TMEM170A: variants seen among roughly 807,000 people sequenced by gnomAD.
TMEM170A encodes transmembrane protein 170A, also known as transmembrane protein 170.
TMEM170A carries 18 observed loss-of-function variants against 12.8 expected under a neutral mutation model. The observed-to-expected ratio is 1.41, with a 90% CI of 0.97 to 2.09. The LOEUF is 2.09. Among genes scored for constraint, TMEM170A ranks in the 30% most tolerant of loss-of-function variants. The pLI is 0.00. For missense variants in TMEM170A, 220 were observed against 179.9 expected, an observed-to-expected ratio of 1.22 and a Z score of -1.28; for synonymous variants, 107 against 76.2, an observed-to-expected ratio of 1.40 and a Z score of -2.11.
rs74250903 is a variant in TMEM170A, at chr16:75,455,887, A to G, written c.134-4048T>C. On this transcript the variant is annotated intron_variant, in intron 1 of 2. Transcript: ENST00000561878. The stretch of plus-strand genomic sequence containing the variant: ...TAAAAGAGACCAGTCAGGGGCATCA[A>G]TCCGCTTGAGGGGATTAGAAAGGGG... Among the ~76,000 whole-genome samples, 433 of 152,324 alleles carry G rather than the reference A, an allele frequency of 2.8e-3. 8 individuals are homozygous for G. The East Asian group carries it at 0.067, about 24-fold the overall frequency.
chr16:75,460,383 A>T (rs2151648952), intron 1 of TMEM170A, among the ~76,000 whole-genome samples: 1 of 152,214 alleles, frequency 6.6e-6, no homozygotes, highest in East Asian at 1.9e-4. Context: ...GCCCTCCAGG[A>T]TCTACCCTCC....
chr16:75,462,891 T>C (rs1249842335), intron 1 of TMEM170A, among the ~76,000 whole-genome samples: 2 of 152,322 alleles, frequency 1.3e-5, no homozygotes, highest in African/African-American at 2.4e-5. Flanking sequence ...TATGGTTTCA[T>C]GGATAGAAAA....
intron 2 of TMEM170A, 175 bp downstream of exon 2, chr16:75,451,494 A>G: frequency 3.0e-6 from 2 of 659,468 alleles, no homozygotes; most frequent in South Asian, 3.7e-5. Context: ...GGCTGCAGTG[A>G]GCCAATATTG....
intron 2 of TMEM170A, among the ~76,000 whole-genome samples, chr16:75,449,802 T>G (rs1250384010): frequency 6.6e-6 from 1 of 152,090 alleles, no homozygotes; most frequent in Non-Finnish European, 1.5e-5. Context: ...AAAATTTAGG[T>G]ACACAAGAAA....
At chr16:75,454,218 C>G (rs1446797833) in intron 1 of TMEM170A, among the ~76,000 whole-genome samples, 2 of 134,004 alleles carry the variant, frequency 1.5e-5, no homozygotes, top group Non-Finnish European at 3.6e-5. Context: ...CACTCTATTC[C>G]CAGTTGTGTC....
chr16:75,449,806 C>T (rs1460926502), intron 2 of TMEM170A, among the ~76,000 whole-genome samples: 1 of 151,988 alleles, frequency 6.6e-6, no homozygotes, highest in Non-Finnish European at 1.5e-5. Flanking sequence ...TTTAGGTACA[C>T]AAGAAAGACT....
intron 1 of TMEM170A, among the ~76,000 whole-genome samples, chr16:75,463,414 C>T (rs2079941352): frequency 6.6e-6 from 1 of 152,154 alleles, no homozygotes; most frequent in African/African-American, 2.4e-5. Context: ...TGCCTGATGA[C>T]CTTACCCGCT....
Position 75,461,076 on chromosome 16 carries a change from G to C in TMEM170A, c.133+3392C>G, listed in dbSNP as rs367814888. Among the ~76,000 whole-genome samples the C allele has an allele frequency of 1.3e-4, 20 of 152,158 alleles. 3 individuals are homozygous for C. The highest frequency in any genetic ancestry group is 6.6e-4 in the Admixed American group (10 of 15,266). ...CTTATACTCATTTATTTATTTTTGA[G>C]ACAGTCTCGCTCTGTGGCCCAGGCT... On this transcript the variant is annotated intron_variant, in intron 1 of 2. Transcript: ENST00000561878.
intron 1 of TMEM170A, among the ~76,000 whole-genome samples, chr16:75,454,481 C>A (rs927673097): frequency 6.6e-6 from 1 of 151,452 alleles, no homozygotes; most frequent in African/African-American, 2.4e-5. Flanking sequence ...CACACACACA[C>A]AAAATTAGCC....
In TMEM170A at chr16:75,447,676, G is replaced by A; in HGVS notation, c.317C>T (p.Ala106Val). 1 of 1,596,116 alleles carries A rather than the reference G, an allele frequency of 6.3e-7. No homozygotes were observed. Among genetic ancestry groups the A allele is most frequent in the Non-Finnish European group, 8.5e-7 (1 of 1,173,436 alleles). The change falls in exon 3 of 3, where the codon GCT becomes GTT. Residue 106 changes from alanine (A) to valine (V), a missense_variant. Ala to Val is a moderately conservative substitution (Grantham distance 64). Coordinates refer to ENST00000561878, the MANE Select transcript of TMEM170A (RefSeq NM_145254.3). Reference sequence around the variant, plus strand: ...CTTCCCTGCTGCTCGGTAAACTCCAGCAATAGCTGCACCTGATTTAAAATG... The same window carrying A: ...CTTCCCTGCTGCTCGGTAAACTCCAACAATAGCTGCACCTGATTTAAAATG... ...TAGILTSAAI[A>V]GVYRAAGKEM...
intron 1 of TMEM170A, among the ~76,000 whole-genome samples, chr16:75,460,637 C>T (rs2079886620): frequency 6.6e-6 from 1 of 152,208 alleles, no homozygotes; most frequent in Non-Finnish European, 1.5e-5. Context: ...CCACACAGGC[C>T]CTGCCCCTTC....
intron 1 of TMEM170A, among the ~76,000 whole-genome samples, chr16:75,461,058 T>G (rs1309828267): frequency 6.6e-6 from 1 of 152,248 alleles, no homozygotes; most frequent in East Asian, 1.9e-4. Flanking sequence ...TTACTTATAC[T>G]CATTTATTTA....
chr16:75,450,516 C>CT (rs2079663755), intron 2 of TMEM170A, among the ~76,000 whole-genome samples: 1 of 152,042 alleles, frequency 6.6e-6, no homozygotes, highest in African/African-American at 2.4e-5. Context: ...TTTCTTATCC[C>CT]ATAAGCAAAA....
chr16:75,444,328 C>G lies in TMEM170A; in HGVS notation c.*3230G>C, dbSNP rs565244404. 2 of 152,100 alleles carry G rather than the reference C, an allele frequency of 1.3e-5. No individual in the cohort carries two copies. The highest frequency in any genetic ancestry group is 4.2e-4 in the South Asian group (2 of 4,806). The allele number at this position is 152,100 out of a possible 1,614,324, so 9.4% of individuals were successfully genotyped here. On this transcript the variant is annotated 3_prime_UTR_variant, in exon 3 of 3. Coordinates refer to ENST00000561878, the MANE Select transcript of TMEM170A (RefSeq NM_145254.3). Reference sequence around the variant, plus strand: ...AAAATTAGCTGGGCATGGTGGTGGACGTCCGTAGTCCCAGCTACTCGGGAG... The same window carrying G: ...AAAATTAGCTGGGCATGGTGGTGGAGGTCCGTAGTCCCAGCTACTCGGGAG...
chr16:75,447,342 AAAGACTT>A lies in TMEM170A; in HGVS notation c.*209_*215del. The A allele has an allele frequency of 2.5e-6, 1 of 398,334 alleles. No individual in the cohort carries two copies. Among genetic ancestry groups the A allele is most frequent in the Non-Finnish European group, 4.2e-6 (1 of 237,264 alleles). The allele number at this position is 398,334 out of a possible 1,614,324, so 24.7% of individuals were successfully genotyped here. On this transcript the variant is annotated 3_prime_UTR_variant, in exon 3 of 3. Transcript: ENST00000561878. ...CAAATATCTACAAAAAAGAAAGCCA[AAAGACTT>A]GTTTTGGTTGAGAACAATAGGAGTC... is the stretch of plus-strand genomic sequence containing the variant.
intron 1 of TMEM170A, 131 bp downstream of exon 1, chr16:75,464,337 C>T (rs1312853632): frequency 1.4e-6 from 2 of 1,383,158 alleles, no homozygotes; most frequent in African/African-American, 3.1e-5. Context: ...CAGCACGGCC[C>T]CCCTCCCGGA....
intron 1 of TMEM170A, among the ~76,000 whole-genome samples, chr16:75,462,568 G>T (rs1329712226): frequency 6.6e-6 from 1 of 152,170 alleles, no homozygotes; most frequent in Non-Finnish European, 1.5e-5. Flanking sequence ...GGTAGGTAGC[G>T]TTCTGACCAA....
At chr16:75,452,190 C>T (rs2079701364) in intron 1 of TMEM170A, among the ~76,000 whole-genome samples, 1 of 152,072 alleles carries the variant, frequency 6.6e-6, no homozygotes, top group African/African-American at 2.4e-5. Flanking sequence ...CCAGGATGGT[C>T]TCGATCTCCT....
intron 1 of TMEM170A, among the ~76,000 whole-genome samples, chr16:75,463,450 C>T (rs2079941833): frequency 6.6e-6 from 1 of 152,144 alleles, no homozygotes; most frequent in South Asian, 2.1e-4. Flanking sequence ...CCGGGAAAAT[C>T]CCTGGGCACA....
Sources: gnomAD v4.1 joint callset for allele counts (sites outside exome capture counted in the v4.1 genomes callset) on GRCh38, gnomAD v4.1.1 for gene constraint, MANE v1.5 for transcripts, NCBI Gene and HGNC (gene_info 2026-07-23, HGNC 2026-07-21) for gene names.